The following APOO variants were observed in gnomAD, a reference collection of about 807,000 sequenced individuals.
APOO encodes the protein MICOS complex subunit MIC26.
A neutral mutation model predicts 23.1 loss-of-function variants in APOO; 11 were observed. That is an observed-to-expected ratio of 0.48 (90% CI 0.30 to 0.79). The LOEUF is 0.79. Ranked by LOEUF, APOO falls within the 30% of genes least tolerant of loss-of-function variation. APOO has a pLI of 0.07. For synonymous variants in APOO, 59 were observed against 54.8 expected (o/e 1.08, Z -0.34); for missense variants, 160 against 142.7 (o/e 1.12, Z -0.62).
rs377243454 is a variant in APOO at position 23,858,691 on chromosome X, C to T, written c.431G>A (p.Gly144Glu). 8.3e-7 allele frequency: 1 copy of T among 1,211,404 alleles called. No homozygotes were observed. Among genetic ancestry groups the T allele is most frequent in the Admixed American group, 2.2e-5 (1 of 45,956 alleles). The change falls in exon 6 of 9, where the codon GGA becomes GAA. Residue 144 changes from glycine to glutamate, a missense_variant. Coordinates refer to ENST00000379226, the MANE Select transcript of APOO (RefSeq NM_024122.5). ...KKLVYPPGFM[G>E]LAASLYYPQQ... is the part of the protein sequence containing the mutation. ...TGGATAATAGAGGGAGGCAGCTAATCCCATGAAACCAGGCGGATACACTAG... is the reference window on the plus strand; with the variant it reads ...TGGATAATAGAGGGAGGCAGCTAATTCCATGAAACCAGGCGGATACACTAG...
intron 4 of APOO, among the ~76,000 whole-genome samples, chrX:23,872,061 A>AT (rs1405798329): frequency 9.0e-6 from 1 of 110,880 alleles, no homozygotes; most frequent in Non-Finnish European, 1.9e-5. Flanking sequence ...ACTTCCCTTT[A>AT]TTTTTGCCTA....
At chrX:23,905,171 G>A (rs1927299309) in intron 1 of APOO, among the ~76,000 whole-genome samples, 1 of 109,201 alleles carries the variant, frequency 9.2e-6, no homozygotes, top group Admixed American at 1.0e-4. Context: ...GGCGAATCAC[G>A]AGGTCAGGAG....
intron 7 of APOO, among the ~76,000 whole-genome samples, chrX:23,850,671 A>G (rs1924493472): frequency 9.0e-6 from 1 of 111,595 alleles, no homozygotes; most frequent in Non-Finnish European, 1.9e-5. Context: ...TACTAAAAAT[A>G]CAAAAATTAG....
At chrX:23,871,336 C>T (rs1406341624) in intron 4 of APOO, among the ~76,000 whole-genome samples, 1 of 100,268 alleles carries the variant, frequency 1.0e-5, no homozygotes, top group Non-Finnish European at 2.0e-5. Flanking sequence ...GCACTCCAGC[C>T]TGTGCGACAG....
rs746683866 is a variant in APOO at position 23,907,734 on chromosome X, C to T, written c.-32G>A. On this transcript the variant is annotated 5_prime_UTR_variant, in exon 1 of 9. The change creates a new upstream start codon in the 5' untranslated region. Coordinates refer to ENST00000379226, the MANE Select transcript of APOO (RefSeq NM_024122.5). ...GGCAGCGGAGGCTCCGGCAGGGTCA[C>T]CCCGGCCTCGGCCACGCCCACTATA... The T allele has an allele frequency of 2.6e-6, 3 of 1,158,609 alleles. No individual in the cohort carries two copies. Among genetic ancestry groups the T allele is most frequent in the Middle Eastern group, 4.9e-4 (2 of 4,062 alleles).
At chrX:23,858,514 C>T in intron 6 of APOO, 128 bp downstream of exon 6, 1 of 536,024 alleles carries the variant, frequency 1.9e-6, no homozygotes, top group East Asian at 3.8e-5. Flanking sequence ...TTTCTGTATT[C>T]ATCTATATGT....
Position 23,907,859 on chromosome X carries a change from G to A in APOO, c.-157C>T. The A allele has an allele frequency of 1.8e-6, 1 of 569,871 alleles. No homozygotes were observed. Among genetic ancestry groups the A allele is most frequent in the South Asian group, 5.1e-5 (1 of 19,490 alleles). 47.0% of individuals were successfully genotyped at this position (569,871 alleles called of 1,213,427 possible). ...GTACTGCAAACTCGGTGCGGCGAAG[G>A]TTTAGTTCAATCACCCGGTTCTAGA... is the stretch of plus-strand genomic sequence containing the variant. On this transcript the variant is annotated 5_prime_UTR_variant, in exon 1 of 9. Coordinates refer to ENST00000379226, the MANE Select transcript of APOO (RefSeq NM_024122.5).
intron 5 of APOO, 50 bp from the exon 6 acceptor site, chrX:23,858,783 C>A: frequency 9.3e-7 from 1 of 1,069,901 alleles, no homozygotes; most frequent in Non-Finnish European, 1.3e-6. Context: ...TTATCCTCAC[C>A]ATCACAATTT....
intron 1 of APOO, among the ~76,000 whole-genome samples, chrX:23,893,459 C>T (rs974732894): frequency 9.0e-6 from 1 of 110,686 alleles, no homozygotes; most frequent in African/African-American, 3.3e-5. Flanking sequence ...AAATAAAAAT[C>T]AAGAGAAATG....
intron 8 of APOO, among the ~76,000 whole-genome samples, chrX:23,839,471 A>C (rs761724549): frequency 9.0e-6 from 1 of 111,655 alleles, no homozygotes; most frequent in South Asian, 3.7e-4. Context: ...AGAAAGCTTG[A>C]GGAAAAAAGA....
At chrX:23,860,879 C>A (rs1201799609) in intron 5 of APOO, among the ~76,000 whole-genome samples, 1 of 108,386 alleles carries the variant, frequency 9.2e-6, no homozygotes, top group Non-Finnish European at 1.9e-5. Flanking sequence ...GTGGCTCACA[C>A]CTGTAATCCC....
chrX:23,888,176 G>A (rs965348144), intron 1 of APOO, among the ~76,000 whole-genome samples: 3 of 111,978 alleles, frequency 2.7e-5, no homozygotes, highest in Non-Finnish European at 5.6e-5. Context: ...CGCACAGCCC[G>A]CAAGGGGCTT....
chrX:23,870,095 C>T (rs1268282470), intron 4 of APOO, among the ~76,000 whole-genome samples: 1 of 111,614 alleles, frequency 9.0e-6, no homozygotes, highest in Non-Finnish European at 1.9e-5. Flanking sequence ...AAAATAGCCA[C>T]TGTTGATCGC....
intron 1 of APOO, among the ~76,000 whole-genome samples, chrX:23,906,049 A>C (rs1008610501): frequency 1.8e-5 from 2 of 112,649 alleles, no homozygotes; most frequent in Admixed American, 1.9e-4. Context: ...GGACTTGGCT[A>C]CGTGACTTGT....
intron 1 of APOO, among the ~76,000 whole-genome samples, chrX:23,888,255 G>A (rs1926460406): frequency 8.9e-6 from 1 of 112,290 alleles, no homozygotes. Flanking sequence ...GTGTAAAGGG[G>A]TAGGCTGTCA....
chrX:23,860,277 G>T (rs753974657), intron 5 of APOO, among the ~76,000 whole-genome samples: 2 of 110,438 alleles, frequency 1.8e-5, no homozygotes, highest in Non-Finnish European at 3.8e-5. Flanking sequence ...CAGGACAAAC[G>T]CAAGTCCGAT....
Position 23,907,393 on chromosome X carries a change from T to G in APOO, c.9+301A>C, listed in dbSNP as rs761338763. 3.6e-5 allele frequency among the ~76,000 whole-genome samples: 4 copies of G among 112,336 alleles called. No homozygotes were observed. In the South Asian group the frequency reaches 1.5e-3, roughly 41 times the overall value. On this transcript the variant is annotated intron_variant, in intron 1 of 8. Coordinates refer to ENST00000379226, the MANE Select transcript of APOO (RefSeq NM_024122.5). ...CCTACCCACGATCCCAAGAGGGTACTAGCCGAGGGGATGGGTACTTTGGGG... is the reference window on the plus strand; with the variant it reads ...CCTACCCACGATCCCAAGAGGGTACGAGCCGAGGGGATGGGTACTTTGGGG...
chrX:23,851,712 A>G (rs1924546669), intron 7 of APOO, among the ~76,000 whole-genome samples: 1 of 112,409 alleles, frequency 8.9e-6, no homozygotes, highest in African/African-American at 3.2e-5. Context: ...TAAGTAACCA[A>G]TGATGACAGA....
Position 23,880,851 on chromosome X carries a change from A to G in APOO, c.111T>C (p.Val37=). 2 of 1,178,466 alleles carry G rather than the reference A, an allele frequency of 1.7e-6. No individual in the cohort carries two copies. Among genetic ancestry groups the G allele is most frequent in the Non-Finnish European group, 2.3e-6 (2 of 878,689 alleles). ...AACATGAACAACATGTTACCTCATC[A>G]ACCTTCACGGAATTTTTGGGAGGTG... ...KDSPPKNSVK[V]DELSLYSVPE... The change falls in exon 2 of 9, where the codon GTT becomes GTC. Residue 37 remains valine (V), a synonymous_variant. Transcript: ENST00000379226.
Sources: allele counts gnomAD v4.1 joint callset (sites outside exome capture counted in the v4.1 genomes callset), GRCh38; gene constraint gnomAD v4.1.1; transcripts MANE v1.5; gene names NCBI Gene and HGNC (gene_info 2026-07-23, HGNC 2026-07-21).